CASK: variants seen among roughly 807,000 people sequenced by gnomAD.
CASK encodes the protein peripheral plasma membrane protein CASK.
A neutral mutation model predicts 82.9 loss-of-function variants in CASK; 4 were observed. The ratio of observed to expected loss-of-function variants is 0.05; its 90% CI spans 0.02 to 0.11. The LOEUF (loss-of-function observed/expected upper bound fraction) is 0.11, where lower values mean the gene tolerates loss of function less well. Among genes scored for constraint, CASK ranks in the 10% least tolerant of loss-of-function variants. CASK has a pLI of 1.00. For missense variants in CASK, 358 were observed against 720.9 expected (o/e 0.50, Z 5.76); for synonymous variants, 259 against 253.5 (o/e 1.02, Z -0.20).
rs879112308 is a variant in CASK at position 41,517,788 on chromosome X, C to T, written c.*2632G>A. On this transcript the variant is annotated 3_prime_UTR_variant, in exon 27 of 27. Transcript: ENST00000378163. ...GTAGCAGTAGCAGCAGCAGCAGCAG[C>T]AGCAGCAGCAGCAGCAGCAGCAGCA... is the stretch of plus-strand genomic sequence containing the variant. The T allele has an allele frequency of 2.6e-6, 2 of 771,136 alleles. No individual in the cohort carries two copies. Among genetic ancestry groups the T allele is most frequent in the African/African-American group, 2.3e-5 (1 of 42,951 alleles). The allele number at this position is 771,136 out of a possible 1,213,427, so 63.6% of individuals were successfully genotyped here. A position where few individuals can be genotyped will look rare whatever the true frequency, so the allele number is the denominator to read the frequency against.
At chrX:41,793,873 T>C (rs1249001085) in intron 2 of CASK, among the ~76,000 whole-genome samples, 2 of 111,889 alleles carry the variant, frequency 1.8e-5, no homozygotes, top group Non-Finnish European at 3.8e-5. Flanking sequence ...TGCTGGGTTC[T>C]ACCTTTATCT....
At chrX:41,913,139 T>C (rs1033223717) in intron 1 of CASK, among the ~76,000 whole-genome samples, 1 of 111,202 alleles carries the variant, frequency 9.0e-6, no homozygotes, top group African/African-American at 3.3e-5. Flanking sequence ...TGTGTGTCTG[T>C]TGGTTACCAA....
intron 5 of CASK, among the ~76,000 whole-genome samples, chrX:41,683,797 T>C (rs2067401241): frequency 8.9e-6 from 1 of 111,936 alleles, no homozygotes; most frequent in Non-Finnish European, 1.9e-5. Flanking sequence ...CTCATTTGCT[T>C]TGTGCTTCAG....
chrX:41,896,428 A>G (rs756988080), intron 1 of CASK, among the ~76,000 whole-genome samples: 10 of 112,572 alleles, frequency 8.9e-5, no homozygotes, highest in Admixed American at 7.5e-4. Flanking sequence ...GAGAAAACAG[A>G]TAATATAGGG....
intron 2 of CASK, among the ~76,000 whole-genome samples, chrX:41,816,508 A>AGTTGAAATAAAT (rs2070413679): frequency 9.0e-6 from 1 of 111,271 alleles, no homozygotes; most frequent in Non-Finnish European, 1.9e-5. Context: ...ATAAAGACCA[A>AGTTGAAATAAAT]AGTTGAAATA....
intron 5 of CASK, among the ~76,000 whole-genome samples, chrX:41,714,915 T>G (rs778295635): frequency 4.5e-5 from 5 of 112,053 alleles, no homozygotes; most frequent in African/African-American, 1.6e-4. Flanking sequence ...AATACTCTCA[T>G]GCAGGGAGCC....
intron 14 of CASK, among the ~76,000 whole-genome samples, chrX:41,581,756 A>C (rs1300661355): frequency 3.6e-5 from 4 of 109,701 alleles, no homozygotes; most frequent in South Asian, 7.5e-4. Flanking sequence ...ATATATATAT[A>C]TATCTCAGAA....
intron 11 of CASK, among the ~76,000 whole-genome samples, chrX:41,612,163 G>A (rs2066072120): frequency 9.4e-6 from 1 of 106,797 alleles, no homozygotes; most frequent in Non-Finnish European, 1.9e-5. Context: ...GCTGCCCATC[G>A]TCTGGGACGT....
At chrX:41,671,330 T>C in intron 6 of CASK, 98 bp downstream of exon 6, 1 of 551,823 alleles carries the variant, frequency 1.8e-6, no homozygotes, top group East Asian at 3.4e-5. Flanking sequence ...GAATGAGGTA[T>C]GAAACACTGA....
intron 7 of CASK, 118 bp from the exon 8 acceptor site, chrX:41,660,679 A>C (rs2067017547): frequency 1.4e-6 from 1 of 736,023 alleles, no homozygotes; most frequent in Non-Finnish European, 2.1e-6. Flanking sequence ...AAAGAACAGA[A>C]ATTTGATTCT....
At chrX:41,682,053 TG>T (rs1181211553) in intron 5 of CASK, among the ~76,000 whole-genome samples, 2 of 80,843 alleles carry the variant, frequency 2.5e-5, no homozygotes, top group Non-Finnish European at 5.2e-5. Context: ...TAAGGACCAT[TG>T]TAAAAAAAAA....
At chrX:41,651,593 C>T (rs967168064) in intron 8 of CASK, among the ~76,000 whole-genome samples, 1 of 111,113 alleles carries the variant, frequency 9.0e-6, no homozygotes, top group African/African-American at 3.3e-5. Flanking sequence ...ACGGGATTTC[C>T]CTATGTTGCC....
chrX:41,550,920 C>T (rs956999764), intron 21 of CASK, among the ~76,000 whole-genome samples: 4 of 110,737 alleles, frequency 3.6e-5, no homozygotes, highest in Non-Finnish European at 5.7e-5. Flanking sequence ...CAAAAACAAA[C>T]GAACCAACTT....
chrX:41,887,713 G>A (rs774616534), intron 1 of CASK, among the ~76,000 whole-genome samples: 13 of 110,470 alleles, frequency 1.2e-4, no homozygotes, highest in Non-Finnish European at 2.3e-4. Flanking sequence ...ACAAAGCAAT[G>A]ATGTCTTTCT....
intron 2 of CASK, among the ~76,000 whole-genome samples, chrX:41,849,431 T>A (rs2071218419): frequency 9.0e-6 from 1 of 111,724 alleles, no homozygotes; most frequent in Non-Finnish European, 1.9e-5. Flanking sequence ...TATATGTAAG[T>A]ATAAAAAATC....
rs746601269 is a variant in CASK at position 41,518,590 on chromosome X, G to A, written c.*1830C>T. ...AAATCGCCACCATTTAATAATAGGC[G>A]GTGGGGGGCGGAGGCGGGTATGGTG... On this transcript the variant is annotated 3_prime_UTR_variant, in exon 27 of 27. Coordinates refer to ENST00000378163, the MANE Select transcript of CASK (RefSeq NM_001367721.1). 3 of 110,109 alleles carry A rather than the reference G, an allele frequency of 2.7e-5. No homozygotes were observed. Among genetic ancestry groups the A allele is most frequent in the Non-Finnish European group, 3.8e-5 (2 of 52,829 alleles). 9.1% of individuals were successfully genotyped at this position (110,109 alleles called of 1,213,427 possible). A position where few individuals can be genotyped will look rare whatever the true frequency, so the allele number is the denominator to read the frequency against.
chrX:41,774,408 T>G (rs372721069), intron 3 of CASK, among the ~76,000 whole-genome samples: 1 of 111,686 alleles, frequency 9.0e-6, no homozygotes, highest in South Asian at 3.8e-4. Context: ...GGAAGAACAT[T>G]CCATGCTCAT....
At chrX:41,688,602 T>G (rs2067485059) in intron 5 of CASK, among the ~76,000 whole-genome samples, 1 of 112,129 alleles carries the variant, frequency 8.9e-6, no homozygotes, top group Non-Finnish European at 1.9e-5. Flanking sequence ...GCTAAAATAA[T>G]GTACAGATGA....
chrX:41,727,882 T>G, intron 5 of CASK: 1 of 1,204,414 alleles, frequency 8.3e-7, no homozygotes, highest in Non-Finnish European at 1.1e-6. Flanking sequence ...GCAATTGAAT[T>G]ATTTAATAGA....
Sources: gnomAD v4.1 joint callset for allele counts (sites outside exome capture counted in the v4.1 genomes callset) on GRCh38, gnomAD v4.1.1 for gene constraint, MANE v1.5 for transcripts, NCBI Gene and HGNC (gene_info 2026-07-23, HGNC 2026-07-21) for gene names.